The following ZMAT3 variants were observed in gnomAD, a reference collection of about 807,000 sequenced individuals.
ZMAT3 encodes zinc finger matrin-type 3, also known as zinc finger matrin-type protein 3.
Under a neutral mutation model 32.3 loss-of-function variants are expected in ZMAT3, and 17 were observed. The ratio of observed to expected loss-of-function variants is 0.53; its 90% CI spans 0.36 to 0.79. The LOEUF (loss-of-function observed/expected upper bound fraction) is 0.79, where lower values mean the gene tolerates loss of function less well. Among genes scored for constraint, ZMAT3 ranks in the 30% least tolerant of loss-of-function variants. ZMAT3 has a pLI of 0.00. For missense variants in ZMAT3, 329 were observed against 359.7 expected, an observed-to-expected ratio of 0.91 and a Z score of 0.69; for synonymous variants, 120 against 133.1, an observed-to-expected ratio of 0.90 and a Z score of 0.68.
chr3:179,028,246 T>C (rs1298164874), intron 3 of ZMAT3, among the ~76,000 whole-genome samples: 5 of 152,066 alleles, frequency 3.3e-5, no homozygotes, highest in Non-Finnish European at 2.9e-5. Flanking sequence ...TATATTTTTT[T>C]AAAAAGAGCC....
At chr3:179,044,833 T>C (rs774805625) in intron 2 of ZMAT3, among the ~76,000 whole-genome samples, 13 of 151,724 alleles carry the variant, frequency 8.6e-5, no homozygotes, top group Non-Finnish European at 1.5e-4. Context: ...TGAACAAGGA[T>C]ATCACTTGGA....
At position 179,028,488 on chromosome 3, in the gene ZMAT3, A is replaced by G. The variant is rs111610023; in HGVS notation, c.391-676T>C. 6.9e-3 allele frequency among the ~76,000 whole-genome samples: 1,048 copies of G among 152,348 alleles called. 13 individuals are homozygous for G. The highest frequency in any genetic ancestry group is 0.024 in the African/African-American group (980 of 41,576). ...ATAGTACATGATAAAGATTCTGGAAACCACATATATCAGCAACAGTTGCAG... is the reference window on the plus strand; with the variant it reads ...ATAGTACATGATAAAGATTCTGGAAGCCACATATATCAGCAACAGTTGCAG... On this transcript the variant is annotated intron_variant, in intron 3 of 5. Transcript: ENST00000311417.
At position 179,046,814 on chromosome 3, in the gene ZMAT3, G is replaced by A. The variant is rs532891617; in HGVS notation, c.271-15815C>T. ...CCTGGGAACATAACTCCATTGGCCC[G>A]TTCACACCCCTATTCCCCATAGCAG... On this transcript the variant is annotated intron_variant, in intron 2 of 5. Coordinates refer to ENST00000311417, the MANE Select transcript of ZMAT3 (RefSeq NM_022470.4). This position sits in a 1 kb window ranked among gnomAD's most constrained non-coding sequence, Gnocchi z 4.3. Among the ~76,000 whole-genome samples, 3 of 152,184 alleles carry A rather than the reference G, an allele frequency of 2.0e-5. No individual in the cohort carries two copies. Among genetic ancestry groups the A allele is most frequent in the South Asian group, 4.1e-4 (2 of 4,822 alleles).
chr3:179,032,013 T>C (rs187775062), intron 2 of ZMAT3, among the ~76,000 whole-genome samples: 522 of 7,434 alleles, frequency 0.07, 26 homozygotes, highest in African/African-American at 0.16. Context: ...CTCCCCCTCC[T>C]CCTCCCCCTC....
chr3:179,038,188 C>G (rs1343854058), intron 2 of ZMAT3, among the ~76,000 whole-genome samples: 1 of 152,184 alleles, frequency 6.6e-6, no homozygotes, highest in Non-Finnish European at 1.5e-5. Context: ...TCTGAGATCC[C>G]TTTCAGATGT....
rs936982091 is a variant in ZMAT3 at position 179,020,703 on chromosome 3, C to T, written c.*4314G>A. 31 of 152,200 alleles carry T rather than the reference C, an allele frequency of 2.0e-4. No individual in the cohort carries two copies. Among genetic ancestry groups the T allele is most frequent in the African/African-American group, 7.5e-4 (31 of 41,452 alleles). 9.4% of individuals were successfully genotyped at this position (152,200 alleles called of 1,614,324 possible). A position where few individuals can be genotyped will look rare whatever the true frequency, so the allele number is the denominator to read the frequency against. ...ATGAAGACACAAAGTAGGTTAGGTTCCAAAACCACCCTTCCTAGCCCTCCC... is the reference window on the plus strand; with the variant it reads ...ATGAAGACACAAAGTAGGTTAGGTTTCAAAACCACCCTTCCTAGCCCTCCC... On this transcript the variant is annotated 3_prime_UTR_variant, in exon 6 of 6. Transcript: ENST00000311417.
chr3:179,058,084 G>A (rs1484240204), intron 2 of ZMAT3, among the ~76,000 whole-genome samples: 2 of 152,236 alleles, frequency 1.3e-5, no homozygotes, highest in East Asian at 1.9e-4. Flanking sequence ...GGAAATTGAT[G>A]TAGTGGTAAA....
In ZMAT3 at chr3:179,071,738, T is replaced by A. The variant is rs370954576; in HGVS notation, c.-201A>T. On this transcript the variant is annotated 5_prime_UTR_variant, in exon 1 of 6. Transcript: ENST00000311417. The stretch of plus-strand genomic sequence containing the variant: ...CTCCGCCGGCCGCCGCCGAGCCCCC[T>A]CCGCAGCCGAAGGCTGACTGTCAAA... 6.5e-6 allele frequency: 1 copy of A among 152,720 alleles called. No homozygotes were observed. The highest frequency in any genetic ancestry group is 1.9e-4 in the East Asian group (1 of 5,180). 9.5% of individuals were successfully genotyped at this position (152,720 alleles called of 1,614,324 possible). A position where few individuals can be genotyped will look rare whatever the true frequency, so the allele number is the denominator to read the frequency against.
rs1718562930 is a variant in ZMAT3, at chr3:179,021,840, A to C, written c.*3177T>G. The C allele has an allele frequency of 6.6e-6, 1 of 152,334 alleles. No individual in the cohort carries two copies. Among genetic ancestry groups the C allele is most frequent in the Non-Finnish European group, 1.5e-5 (1 of 68,018 alleles). 9.4% of individuals were successfully genotyped at this position (152,334 alleles called of 1,614,324 possible). Reference sequence around the variant, plus strand: ...CATTTCCTGCCTGATAACCTCTGTCACCCTTTGTTTTCACCTATGGAACAG... The same window carrying C: ...CATTTCCTGCCTGATAACCTCTGTCCCCCTTTGTTTTCACCTATGGAACAG... On this transcript the variant is annotated 3_prime_UTR_variant, in exon 6 of 6. Coordinates refer to ENST00000311417, the MANE Select transcript of ZMAT3 (RefSeq NM_022470.4).
intron 2 of ZMAT3, among the ~76,000 whole-genome samples, chr3:179,032,991 CAA>C (rs1452628568): frequency 6.6e-6 from 1 of 152,234 alleles, no homozygotes. Context: ...GAGGTGTACC[CAA>C]CAGCTCATTG....
At chr3:179,029,577 C>G (rs1460372416) in intron 3 of ZMAT3, among the ~76,000 whole-genome samples, 2 of 152,064 alleles carry the variant, frequency 1.3e-5, no homozygotes, top group Non-Finnish European at 2.9e-5. Context: ...GATTCTTGTG[C>G]CTCACCCTCC....
At position 179,027,783 on chromosome 3, in the gene ZMAT3, C is replaced by T. The variant is rs779940587; in HGVS notation, c.420G>A (p.Val140=). 5 of 1,613,070 alleles carry T rather than the reference C, an allele frequency of 3.1e-6. No individual in the cohort carries two copies. In the Admixed American group the frequency reaches 8.4e-5, roughly 27 times the overall value. Residue 140 remains valine (V), a synonymous_variant, in exon 4 of 6, where the codon GTG becomes GTA. Coordinates refer to ENST00000311417, the MANE Select transcript of ZMAT3 (RefSeq NM_022470.4). ...AGTAATCATTCTCCGTGGCCAGGATCACTCGGCCTCCTGGCTTAAAGGAGC... is the reference window on the plus strand; with the variant it reads ...AGTAATCATTCTCCGTGGCCAGGATTACTCGGCCTCCTGGCTTAAAGGAGC... The part of the protein sequence containing the change: ...QMGSFKPGGR[V]ILATENDYCK...
At chr3:179,068,511 CA>C (rs61604639) in intron 1 of ZMAT3, among the ~76,000 whole-genome samples, 262 of 136,546 alleles carry the variant, frequency 1.9e-3, no homozygotes, top group Admixed American at 2.3e-3. Context: ...GACTGTGACT[CA>C]AAAAAAAAAA....
upstream of ZMAT3, chr3:179,071,892 C>G (rs970324305): frequency 6.6e-6 from 1 of 152,482 alleles, no homozygotes; most frequent in Admixed American, 6.5e-5. Context: ...GGAGCAGGCC[C>G]GGCAGCGGTG....
chr3:179,024,300 T>C lies in ZMAT3; in HGVS notation c.*717A>G, dbSNP rs959245479. 1 of 152,196 alleles carries C rather than the reference T, an allele frequency of 6.6e-6. No homozygotes were observed. The highest frequency in any genetic ancestry group is 2.4e-5 in the African/African-American group (1 of 41,440). The allele number at this position is 152,196 out of a possible 1,614,324, so 9.4% of individuals were successfully genotyped here. On this transcript the variant is annotated 3_prime_UTR_variant, in exon 6 of 6. Transcript: ENST00000311417. ...GAGACATGATACAGAAAAAAAAATG[T>C]CCTGGGAAAGACCCTAACAGTTTCT... is the stretch of plus-strand genomic sequence containing the variant.
At chr3:179,032,193 G>A (rs190725995) in intron 2 of ZMAT3, among the ~76,000 whole-genome samples, 7 of 151,710 alleles carry the variant, frequency 4.6e-5, no homozygotes, top group Admixed American at 1.3e-4. Flanking sequence ...TGGTGGAGAC[G>A]GGGTTTCGCC....
At position 179,024,993 on chromosome 3, in the gene ZMAT3, TG is replaced by T; in HGVS notation, c.*23del. Reference sequence around the variant, plus strand: ...AAGGCAAACAACAGGCAGGAAAAGCTGCTCTATCTTAATATGATAATCACTA... The same window carrying T: ...AAGGCAAACAACAGGCAGGAAAAGCTCTCTATCTTAATATGATAATCACTA... On this transcript the variant is annotated 3_prime_UTR_variant, in exon 6 of 6. Coordinates refer to ENST00000311417, the MANE Select transcript of ZMAT3 (RefSeq NM_022470.4). The T allele has an allele frequency of 3.7e-6, 6 of 1,611,626 alleles. No individual in the cohort carries two copies. The highest frequency in any genetic ancestry group is 5.1e-6 in the Non-Finnish European group (6 of 1,178,006).
In ZMAT3 at chr3:179,025,169, C is replaced by T. The variant is rs2108533004; in HGVS notation, c.718G>A (p.Val240Ile). Residue 240 changes from valine to isoleucine, a missense_variant, in exon 6 of 6, where the codon GTT (valine) becomes ATT (isoleucine). Transcript: ENST00000311417. Reference sequence around the variant, plus strand: ...CAGTAAAACTGGCCACTTGGAGTAACACACATGGCCAGATCACGTGGAATT... The same window carrying T: ...CAGTAAAACTGGCCACTTGGAGTAATACACATGGCCAGATCACGTGGAATT... ...QRIPRDLAMC[V>I]TPSGQFYCSM... is the part of the protein sequence containing the mutation. 6.2e-7 allele frequency: 1 copy of T among 1,614,236 alleles called. No individual in the cohort carries two copies. The highest frequency in any genetic ancestry group is 8.5e-7 in the Non-Finnish European group (1 of 1,180,056).
chr3:179,055,482 C>A (rs779235288), intron 2 of ZMAT3, among the ~76,000 whole-genome samples: 39 of 151,316 alleles, frequency 2.6e-4, no homozygotes, highest in South Asian at 1.1e-3. Context: ...GCGTCCCCTC[C>A]CCGACTCCTT....
Sources: gnomAD v4.1 joint callset for allele counts (sites outside exome capture counted in the v4.1 genomes callset) on GRCh38, gnomAD v4.1.1 for gene constraint, Gnocchi (gnomAD v3.1) non-coding constraint, MANE v1.5 for transcripts, NCBI Gene and HGNC (gene_info 2026-07-23, HGNC 2026-07-21) for gene names.